The following CDH12 variants were observed in gnomAD, a reference collection of about 807,000 sequenced individuals.
CDH12 encodes cadherin-12.
In CDH12, 41 loss-of-function variants were observed where a neutral mutation model predicts 74.1. The observed-to-expected ratio is 0.55, with a 90% CI of 0.43 to 0.72. CDH12 has a LOEUF of 0.72. Among genes scored for constraint, CDH12 ranks in the 30% least tolerant of loss-of-function variants. CDH12 has a pLI of 0.00. For missense variants in CDH12, 945 were observed against 977.2 expected (o/e 0.97, Z 0.44); for synonymous variants, 399 against 355.0 (o/e 1.12, Z -1.39).
At chr5:22,818,108 A>C (rs1214367726) in intron 1 of CDH12, among the ~76,000 whole-genome samples, 1 of 152,158 alleles carries the variant, frequency 6.6e-6, no homozygotes, top group Non-Finnish European at 1.5e-5. Flanking sequence ...GCCAGACCAG[A>C]ATCAAGGGCC....
intron 3 of CDH12, among the ~76,000 whole-genome samples, chr5:22,348,803 T>C (rs553302408): frequency 2.0e-5 from 3 of 152,276 alleles, no homozygotes; most frequent in East Asian, 1.9e-4. Context: ...ATTGGTGACA[T>C]AGAATTCAGC....
intron 12 of CDH12, among the ~76,000 whole-genome samples, chr5:21,764,002 G>C (rs1561163521): frequency 6.6e-6 from 1 of 152,158 alleles, no homozygotes; most frequent in Non-Finnish European, 1.5e-5. Flanking sequence ...AAGCAAATGA[G>C]CAAAATAAGA....
intron 1 of CDH12, among the ~76,000 whole-genome samples, chr5:22,657,389 A>G (rs953946004): frequency 7.9e-5 from 12 of 152,160 alleles, no homozygotes; most frequent in Non-Finnish European, 1.6e-4. Context: ...GCAATTTATT[A>G]TTTATAAATT....
At chr5:22,126,305 C>T (rs1239030479) in intron 4 of CDH12, among the ~76,000 whole-genome samples, 1 of 152,050 alleles carries the variant, frequency 6.6e-6, no homozygotes, top group Non-Finnish European at 1.5e-5. Context: ...GCTAAGTGGC[C>T]CTTCTGTCCT....
intron 1 of CDH12, among the ~76,000 whole-genome samples, chr5:22,725,267 TGTATAAA>T (rs1218474410): frequency 1.3e-5 from 2 of 151,908 alleles, no homozygotes; most frequent in East Asian, 1.9e-4. Context: ...TATTTCATCA[TGTATAAA>T]GTATAATCTA....
At chr5:21,902,338 CTT>C (rs962566994) in intron 6 of CDH12, among the ~76,000 whole-genome samples, 29 of 151,750 alleles carry the variant, frequency 1.9e-4, no homozygotes, top group African/African-American at 5.6e-4. Flanking sequence ...CGCTATTTCT[CTT>C]TCTCTCTGTC....
At chr5:21,834,717 A>G (rs1232978620) in intron 8 of CDH12, among the ~76,000 whole-genome samples, 1 of 151,658 alleles carries the variant, frequency 6.6e-6, no homozygotes, top group African/African-American at 2.4e-5. Context: ...GCTTTCGATT[A>G]AGGAAAACCT....
chr5:21,969,421 G>A (rs563105517), intron 6 of CDH12, among the ~76,000 whole-genome samples: 21 of 152,276 alleles, frequency 1.4e-4, no homozygotes, highest in Non-Finnish European at 2.6e-4. Context: ...GAAGGGATGT[G>A]ATGTCACTTT....
intron 3 of CDH12, among the ~76,000 whole-genome samples, chr5:22,371,584 T>G (rs555564165): frequency 1.8e-4 from 27 of 152,304 alleles, no homozygotes; most frequent in African/African-American, 6.5e-4. Flanking sequence ...CACTCTTATA[T>G]ATAGTTAACT....
chr5:22,704,801 G>T (rs1026069195), intron 1 of CDH12, among the ~76,000 whole-genome samples: 1 of 151,750 alleles, frequency 6.6e-6, no homozygotes, highest in Non-Finnish European at 1.5e-5. Flanking sequence ...TTTATGCTGT[G>T]GCTTTCACTT....
At chr5:22,021,893 A>G (rs1051590382) in intron 5 of CDH12, among the ~76,000 whole-genome samples, 3 of 152,218 alleles carry the variant, frequency 2.0e-5, no homozygotes, top group African/African-American at 4.8e-5. Flanking sequence ...GCTGAAGCGC[A>G]GTGGCACAAT....
At chr5:21,853,379 C>T (rs1047991449) in intron 7 of CDH12, among the ~76,000 whole-genome samples, 12 of 151,484 alleles carry the variant, frequency 7.9e-5, no homozygotes, top group African/African-American at 2.9e-4. Context: ...GTGGAGTTCT[C>T]GAAGGACTGA....
chr5:22,260,826 T>C (rs1276703737), intron 3 of CDH12, among the ~76,000 whole-genome samples: 1 of 151,980 alleles, frequency 6.6e-6, no homozygotes, highest in African/African-American at 2.4e-5. Context: ...AAAAATCAAA[T>C]TGTCTTTTTA....
In CDH12 at chr5:22,032,006, T is replaced by TA. The variant is rs199498506; in HGVS notation, c.231+46439dup. Among the ~76,000 whole-genome samples, 456 of 147,292 alleles carry TA rather than the reference T, an allele frequency of 3.1e-3. 2 individuals carry two copies. Among genetic ancestry groups the TA allele is most frequent in the African/African-American group, 9.3e-3 (372 of 40,142 alleles). The stretch of plus-strand genomic sequence containing the variant: ...AGGGTTGCCACAAACCTTCAATTTA[T>TA]AAAAAAAAAATCGAATCAAAACAAA... On this transcript the variant is annotated intron_variant, in intron 5 of 14. Transcript: ENST00000382254.
Position 21,932,969 on chromosome 5 carries a change from T to C in CDH12, c.526+42122A>G, listed in dbSNP as rs1276904662. ...AAAACTCTCACTTTCTTTATCATTG[T>C]ATCTAGTATCTCAGGAATTGACAGA... On this transcript the variant is annotated intron_variant, in intron 6 of 14. Coordinates refer to ENST00000382254, the MANE Select transcript of CDH12 (RefSeq NM_004061.5). Among the ~76,000 whole-genome samples the C allele has an allele frequency of 2.0e-5, 3 of 150,960 alleles. No individual in the cohort carries two copies. In the Admixed American group the frequency reaches 2.0e-4, roughly 10 times the overall value.
At chr5:22,288,489 C>T (rs1737251684) in intron 3 of CDH12, among the ~76,000 whole-genome samples, 1 of 152,046 alleles carries the variant, frequency 6.6e-6, no homozygotes, top group South Asian at 2.1e-4. Flanking sequence ...TATATGTGTG[C>T]ATGTCCGTAT....
intron 1 of CDH12, among the ~76,000 whole-genome samples, chr5:22,686,100 G>A (rs1580886739): frequency 6.6e-6 from 1 of 152,122 alleles, no homozygotes; most frequent in East Asian, 1.9e-4. Flanking sequence ...TAGTGGATAT[G>A]AAGTGGTATT....
intron 1 of CDH12, among the ~76,000 whole-genome samples, chr5:22,713,986 G>T (rs1190849890): frequency 6.6e-6 from 1 of 152,150 alleles, no homozygotes; most frequent in Non-Finnish European, 1.5e-5. Flanking sequence ...AAATTACCTT[G>T]TTGTCCTTGT....
intron 4 of CDH12, among the ~76,000 whole-genome samples, chr5:22,148,001 G>C (rs542730469): frequency 6.6e-6 from 1 of 152,224 alleles, no homozygotes; most frequent in Admixed American, 6.5e-5. Context: ...TCACACCAGT[G>C]GTTTCCATCC....
Sources: allele counts gnomAD v4.1 joint callset (sites outside exome capture counted in the v4.1 genomes callset), GRCh38; gene constraint gnomAD v4.1.1; transcripts MANE v1.5; gene names NCBI Gene and HGNC (gene_info 2026-07-23, HGNC 2026-07-21).